The following NKAIN2 variants were observed in gnomAD, a reference collection of about 807,000 sequenced individuals.
NKAIN2 encodes the protein sodium/potassium transporting ATPase interacting 2.
In NKAIN2, 14 loss-of-function variants were observed where a neutral mutation model predicts 32.6. That is an observed-to-expected ratio of 0.43 (90% CI 0.28 to 0.67). The LOEUF (loss-of-function observed/expected upper bound fraction) is 0.67. NKAIN2 is among the 30% of genes least tolerant of loss of function. The pLI, the probability that NKAIN2 is intolerant of heterozygous loss-of-function variation, is 0.17. For missense variants in NKAIN2, 198 were observed against 258.3 expected, an observed-to-expected ratio of 0.77 and a Z score of 1.60; for synonymous variants, 80 against 87.2, an observed-to-expected ratio of 0.92 and a Z score of 0.46.
At chr6:124,247,110 G>A (rs543789428) in intron 1 of NKAIN2, among the ~76,000 whole-genome samples, 2 of 151,978 alleles carry the variant, frequency 1.3e-5, no homozygotes, top group Non-Finnish European at 2.9e-5. Context: ...GCCAGGAAAA[G>A]TTCTTCACTT....
At chr6:124,727,373 A>G (rs1486526420) in intron 4 of NKAIN2, among the ~76,000 whole-genome samples, 1 of 152,140 alleles carries the variant, frequency 6.6e-6, no homozygotes, top group East Asian at 1.9e-4. Context: ...CAGAAACCCT[A>G]CAAGCCAGAA....
At chr6:124,442,282 G>A (rs182619373) in intron 3 of NKAIN2, among the ~76,000 whole-genome samples, 22 of 152,184 alleles carry the variant, frequency 1.4e-4, no homozygotes, top group Admixed American at 4.6e-4. Context: ...GAGAATTGAA[G>A]ATATGTTAAC....
intron 4 of NKAIN2, among the ~76,000 whole-genome samples, chr6:124,763,794 CATAG>C (rs1164781475): frequency 6.6e-6 from 1 of 152,098 alleles, no homozygotes; most frequent in Non-Finnish European, 1.5e-5. Context: ...AAACAACATT[CATAG>C]ATACTGTTTT....
At chr6:123,954,476 C>T (rs1477936585) in intron 1 of NKAIN2, among the ~76,000 whole-genome samples, 5 of 152,240 alleles carry the variant, frequency 3.3e-5, no homozygotes, top group Non-Finnish European at 7.3e-5. Context: ...GAAGAGGCTG[C>T]TTCACTTTCC....
At chr6:124,358,429 C>A (rs1799098173) in intron 3 of NKAIN2, among the ~76,000 whole-genome samples, 1 of 152,052 alleles carries the variant, frequency 6.6e-6, no homozygotes, top group African/African-American at 2.4e-5. Flanking sequence ...ACATCCTCTC[C>A]AGCACCTGTT....
rs1456182366 is a variant in NKAIN2, at chr6:123,803,966, A to G, written c.-235A>G. Among the ~76,000 whole-genome samples, 1 of 150,886 alleles carries G rather than the reference A, an allele frequency of 6.6e-6. No individual in the cohort carries two copies. The highest frequency in any genetic ancestry group is 1.5e-5 in the Non-Finnish European group (1 of 67,612). ...GCACTGCCCGCGGCGCGGCGTGTGC[A>G]CCGAGCGAGTGAAGGTATGTGTGGC... is the stretch of plus-strand genomic sequence containing the variant. On this transcript the variant is annotated 5_prime_UTR_variant, in exon 1 of 7. Coordinates refer to ENST00000368417, the MANE Select transcript of NKAIN2 (RefSeq NM_001040214.3).
chr6:124,261,687 C>T (rs1233380477), intron 1 of NKAIN2, among the ~76,000 whole-genome samples: 1 of 151,986 alleles, frequency 6.6e-6, no homozygotes, highest in African/African-American at 2.4e-5. Context: ...TGGCAAAGCC[C>T]CACCTCGGCT....
chr6:124,659,219 A>G (rs940944358), intron 4 of NKAIN2, among the ~76,000 whole-genome samples: 2 of 152,122 alleles, frequency 1.3e-5, no homozygotes, highest in African/African-American at 4.8e-5. Flanking sequence ...TTTTTCTTAG[A>G]TTCTATGTGG....
chr6:124,241,428 T>C (rs1376159691), intron 1 of NKAIN2, among the ~76,000 whole-genome samples: 1 of 152,184 alleles, frequency 6.6e-6, no homozygotes, highest in Non-Finnish European at 1.5e-5. Flanking sequence ...AGAGCCCATA[T>C]AGCCAAGACA....
chr6:124,348,313 C>G lies in NKAIN2; in HGVS notation c.193-6954C>G, dbSNP rs9401735. Among the ~76,000 whole-genome samples, 184 of 152,254 alleles carry G rather than the reference C, an allele frequency of 1.2e-3. 1 individual carries two copies. The highest frequency in any genetic ancestry group is 4.3e-3 in the African/African-American group (177 of 41,560). On this transcript the variant is annotated intron_variant, in intron 2 of 6. Transcript: ENST00000368417. ...GGCCCACTTGAGGAGGCAGTCTGCC[C>G]GTTCTCAGATCTCCAGCTGCGTGCT...
chr6:123,804,981 C>T (rs1320737878), intron 1 of NKAIN2, among the ~76,000 whole-genome samples: 8 of 152,112 alleles, frequency 5.3e-5, no homozygotes, highest in Non-Finnish European at 1.2e-4. Context: ...TTGTCTGATC[C>T]TATAGGATGG....
intron 1 of NKAIN2, among the ~76,000 whole-genome samples, chr6:124,015,528 A>T (rs1410009489): frequency 2.0e-5 from 3 of 152,114 alleles, no homozygotes; most frequent in Non-Finnish European, 4.4e-5. Flanking sequence ...AAAGTATTTT[A>T]TTGGATCATT....
intron 3 of NKAIN2, among the ~76,000 whole-genome samples, chr6:124,574,592 C>T (rs1188750005): frequency 6.6e-6 from 1 of 152,112 alleles, no homozygotes; most frequent in Non-Finnish European, 1.5e-5. Context: ...GCACTCCAGC[C>T]TGGGCGACAG....
At chr6:124,224,123 G>A (rs1791981056) in intron 1 of NKAIN2, among the ~76,000 whole-genome samples, 1 of 152,084 alleles carries the variant, frequency 6.6e-6, no homozygotes, top group South Asian at 2.1e-4. Flanking sequence ...ATAGACATAT[G>A]TACATGACTA....
chr6:124,768,042 CATTAA>C (rs1475502892), intron 4 of NKAIN2, among the ~76,000 whole-genome samples: 2 of 152,082 alleles, frequency 1.3e-5, no homozygotes, highest in Non-Finnish European at 2.9e-5. Context: ...AATTTAATCA[CATTAA>C]ATTAAAGTCA....
At chr6:124,774,579 G>A (rs142011474) in intron 4 of NKAIN2, among the ~76,000 whole-genome samples, 3 of 152,082 alleles carry the variant, frequency 2.0e-5, no homozygotes, top group Admixed American at 2.0e-4. Flanking sequence ...ACCTTGGCTG[G>A]GCACGGTGGC....
At chr6:123,992,349 G>A (rs148880258) in intron 1 of NKAIN2, among the ~76,000 whole-genome samples, 2 of 152,242 alleles carry the variant, frequency 1.3e-5, no homozygotes, top group Admixed American at 6.5e-5. Context: ...TGAAGTAAAA[G>A]GAAATTTTGC....
intron 1 of NKAIN2, among the ~76,000 whole-genome samples, chr6:124,035,172 G>C (rs1781559801): frequency 6.6e-6 from 1 of 151,988 alleles, no homozygotes; most frequent in Non-Finnish European, 1.5e-5. Flanking sequence ...TCCTAAAATG[G>C]GAGAAGGCTA....
chr6:124,510,023 C>A (rs1778649519), intron 3 of NKAIN2, among the ~76,000 whole-genome samples: 1 of 152,076 alleles, frequency 6.6e-6, no homozygotes, highest in Non-Finnish European at 1.5e-5. Context: ...AAACCAAGAG[C>A]CTCTTTAACA....
Sources: allele counts gnomAD v4.1 joint callset (sites outside exome capture counted in the v4.1 genomes callset), GRCh38; gene constraint gnomAD v4.1.1; transcripts MANE v1.5; gene names NCBI Gene and HGNC (gene_info 2026-07-23, HGNC 2026-07-21).